The following CREB3L2 variants were observed in gnomAD, a reference collection of about 807,000 sequenced individuals.
CREB3L2 encodes the protein cyclic AMP-responsive element-binding protein 3-like protein 2.
A neutral mutation model predicts 57.2 loss-of-function variants in CREB3L2; 23 were observed. The ratio of observed to expected loss-of-function variants is 0.40; its 90% CI spans 0.29 to 0.57. CREB3L2 has a LOEUF of 0.57. CREB3L2 is among the 20% of genes least tolerant of loss of function. CREB3L2 has a pLI of 0.42. For synonymous variants in CREB3L2, 268 were observed against 265.1 expected (o/e 1.01, Z -0.11); for missense variants, 628 against 634.7 (o/e 0.99, Z 0.11).
At position 137,893,202 on chromosome 7, in the gene CREB3L2, C is replaced by T. The variant is rs149957007; in HGVS notation, c.1044-7700G>A. Among the ~76,000 whole-genome samples the T allele has an allele frequency of 2.5e-3, 382 of 152,300 alleles. 1 individual carries two copies. The highest frequency in any genetic ancestry group is 4.5e-3 in the Non-Finnish European group (308 of 68,028). ...GCTATATTACCTACTGGCCCAGGAA[C>T]AAACACTGGCCAAGGAACAAAAACT... is the stretch of plus-strand genomic sequence containing the variant. On this transcript the variant is annotated intron_variant, in intron 8 of 11. Coordinates refer to ENST00000330387, the MANE Select transcript of CREB3L2 (RefSeq NM_194071.4).
At chr7:137,916,437 C>A (rs1300550759) in intron 2 of CREB3L2, among the ~76,000 whole-genome samples, 2 of 152,022 alleles carry the variant, frequency 1.3e-5, no homozygotes, top group African/African-American at 2.4e-5. Flanking sequence ...AAGAAGCAGC[C>A]GGGCACAGTG....
At position 137,880,298 on chromosome 7, in the gene CREB3L2, CA is replaced by C. The variant is rs1225306141; in HGVS notation, c.*177del. The C allele has an allele frequency of 8.0e-6, 5 of 622,362 alleles. No individual in the cohort carries two copies. Among genetic ancestry groups the C allele is most frequent in the African/African-American group, 3.7e-5 (2 of 54,390 alleles). 38.6% of individuals were successfully genotyped at this position (622,362 alleles called of 1,614,324 possible). Reference sequence around the variant, plus strand: ...CCTTCTGCACAGGAGGGGCATGGACCAGGGGGAGATGCTCTCTCACTGCAGG... The same window carrying C: ...CCTTCTGCACAGGAGGGGCATGGACCGGGGGAGATGCTCTCTCACTGCAGG... On this transcript the variant is annotated 3_prime_UTR_variant, in exon 12 of 12. Transcript: ENST00000330387. This position sits in a 1 kb window ranked among gnomAD's most constrained non-coding sequence, Gnocchi z 4.0.
At chr7:137,952,613 T>C (rs575616433) in intron 1 of CREB3L2, among the ~76,000 whole-genome samples, 2 of 152,276 alleles carry the variant, frequency 1.3e-5, no homozygotes, top group South Asian at 4.1e-4. Context: ...CTGTCTGTCT[T>C]GCTCAGTGTT....
Position 138,001,640 on chromosome 7 carries a change from T to C in CREB3L2, c.66A>G (p.Ser22=). The C allele has an allele frequency of 2.5e-6, 4 of 1,613,454 alleles. No homozygotes were observed. Among genetic ancestry groups the C allele is most frequent in the Non-Finnish European group, 3.4e-6 (4 of 1,179,776 alleles). Residue 22 remains serine, a synonymous_variant, in exon 1 of 12, where the codon TCA becomes TCG. Transcript: ENST00000330387. The surrounding 1 kb of genome is among the most constrained non-coding windows in gnomAD (Gnocchi z 4.2). Reference sequence around the variant, plus strand: ...TGAGGGCCTCGCCGTCCCCGGGCTCTGACAGCTCGCTCAGCTTGCGGTCCC... The same window carrying C: ...TGAGGGCCTCGCCGTCCCCGGGCTCCGACAGCTCGCTCAGCTTGCGGTCCC... The part of the protein sequence containing the change: ...LQWDRKLSEL[S]EPGDGEALMY...
At chr7:137,947,959 C>A (rs1408779220) in intron 1 of CREB3L2, among the ~76,000 whole-genome samples, 1 of 152,202 alleles carries the variant, frequency 6.6e-6, no homozygotes, top group Admixed American at 6.5e-5. Context: ...GGCTCCCTCA[C>A]TAGCCTGGAG....
chr7:137,928,358 T>C lies in CREB3L2; in HGVS notation c.111A>G (p.Ser37=), dbSNP rs1296556099. Residue 37 remains serine, a synonymous_variant, in exon 2 of 12, where the codon TCA becomes TCG. Coordinates refer to ENST00000330387, the MANE Select transcript of CREB3L2 (RefSeq NM_194071.4). ...TCTGGGAAAACTCATCCAGAAGTTC[T>C]GAGAAGTGCTACAAGAAACAAAGGA... ...GEALMYHTHF[S]ELLDEFSQNV... The C allele has an allele frequency of 6.2e-7, 1 of 1,613,672 alleles. No homozygotes were observed. The highest frequency in any genetic ancestry group is 8.5e-7 in the Non-Finnish European group (1 of 1,179,742).
intron 1 of CREB3L2, among the ~76,000 whole-genome samples, chr7:137,939,664 G>A (rs1028620150): frequency 6.6e-6 from 1 of 152,236 alleles, no homozygotes; most frequent in Non-Finnish European, 1.5e-5. Context: ...GTTCAAGGCT[G>A]AGGCAGTACA....
At chr7:137,977,719 G>T (rs950718106) in intron 1 of CREB3L2, among the ~76,000 whole-genome samples, 1 of 152,106 alleles carries the variant, frequency 6.6e-6, no homozygotes, top group Non-Finnish European at 1.5e-5. Flanking sequence ...TCAGGAGTTC[G>T]AGGCCAGCCT....
intron 8 of CREB3L2, among the ~76,000 whole-genome samples, chr7:137,896,036 G>C (rs142981569): frequency 4.6e-5 from 7 of 152,346 alleles, no homozygotes; most frequent in African/African-American, 7.2e-5. Flanking sequence ...GGGGTGATGT[G>C]AGTAAAGGGT....
intron 1 of CREB3L2, among the ~76,000 whole-genome samples, chr7:137,942,351 T>C (rs1397511114): frequency 6.6e-6 from 1 of 152,222 alleles, no homozygotes; most frequent in Non-Finnish European, 1.5e-5. Context: ...TCTAAATCCT[T>C]CTGCCCTCAG....
At chr7:137,901,756 G>C (rs1370569376) in intron 7 of CREB3L2, among the ~76,000 whole-genome samples, 1 of 151,026 alleles carries the variant, frequency 6.6e-6, no homozygotes, top group Non-Finnish European at 1.5e-5. Flanking sequence ...GCACGTGCCT[G>C]TAATCCCAGC....
intron 8 of CREB3L2, among the ~76,000 whole-genome samples, chr7:137,891,621 G>A (rs2117185166): frequency 6.6e-6 from 1 of 152,028 alleles, no homozygotes; most frequent in East Asian, 1.9e-4. Flanking sequence ...TGTTGCCCAG[G>A]CTGGAGTGCA....
chr7:138,000,657 G>C (rs1802058063), intron 1 of CREB3L2, among the ~76,000 whole-genome samples: 1 of 152,134 alleles, frequency 6.6e-6, no homozygotes, highest in Non-Finnish European at 1.5e-5. Context: ...CAAGCCTCCA[G>C]TGGTTTTCTC....
At position 137,875,165 on chromosome 7, in the gene CREB3L2, CT is replaced by C. The variant is rs1254376955; in HGVS notation, c.*5310del. On this transcript the variant is annotated 3_prime_UTR_variant, in exon 12 of 12. Coordinates refer to ENST00000330387, the MANE Select transcript of CREB3L2 (RefSeq NM_194071.4). Reference sequence around the variant, plus strand: ...AAAACGCGATAGGACAGATAACAGACTCACAACGTATTTAGATTTAAACACT... The same window carrying C: ...AAAACGCGATAGGACAGATAACAGACCACAACGTATTTAGATTTAAACACT... 1 of 203,764 alleles carries C rather than the reference CT, an allele frequency of 4.9e-6. No homozygotes were observed. Among genetic ancestry groups the C allele is most frequent in the East Asian group, 7.5e-5 (1 of 13,296 alleles). The allele number at this position is 203,764 out of a possible 1,614,324, so 12.6% of individuals were successfully genotyped here. A position where few individuals can be genotyped will look rare whatever the true frequency, so the allele number is the denominator to read the frequency against.
At chr7:137,948,560 G>T (rs558591106) in intron 1 of CREB3L2, among the ~76,000 whole-genome samples, 20 of 152,272 alleles carry the variant, frequency 1.3e-4, no homozygotes, top group African/African-American at 4.6e-4. Flanking sequence ...GAAAGCCACT[G>T]CAAGTTAACA....
intron 2 of CREB3L2, among the ~76,000 whole-genome samples, chr7:137,926,680 A>G (rs1800468176): frequency 6.6e-6 from 1 of 152,186 alleles, no homozygotes; most frequent in Non-Finnish European, 1.5e-5. Flanking sequence ...GTACAGTGGT[A>G]TAAGAACAAG....
At chr7:137,973,120 T>A (rs2117303828) in intron 1 of CREB3L2, among the ~76,000 whole-genome samples, 1 of 149,334 alleles carries the variant, frequency 6.7e-6, no homozygotes, top group African/African-American at 2.5e-5. Flanking sequence ...CATGTATATG[T>A]AACTAACCTG....
chr7:137,879,159 T>A lies in CREB3L2; in HGVS notation c.*1317A>T. 1 of 511,272 alleles carries A rather than the reference T, an allele frequency of 2.0e-6. No individual in the cohort carries two copies. Among genetic ancestry groups the A allele is most frequent in the Admixed American group, 2.6e-5 (1 of 38,960 alleles). The allele number at this position is 511,272 out of a possible 1,614,324, so 31.7% of individuals were successfully genotyped here. The stretch of plus-strand genomic sequence containing the variant: ...GATTTTTTTAAACTACAAAAGTTAC[T>A]TTTAACCATAAAAAAAAAACAAAAA... On this transcript the variant is annotated 3_prime_UTR_variant, in exon 12 of 12. Transcript: ENST00000330387.
intron 1 of CREB3L2, among the ~76,000 whole-genome samples, chr7:137,930,579 G>A (rs1800595388): frequency 6.6e-6 from 1 of 152,242 alleles, no homozygotes; most frequent in Non-Finnish European, 1.5e-5. Flanking sequence ...GAACAGCAGA[G>A]AGGAAGCTTC....
Sources: allele counts gnomAD v4.1 joint callset (sites outside exome capture counted in the v4.1 genomes callset), GRCh38; gene constraint gnomAD v4.1.1; non-coding constraint Gnocchi (gnomAD v3.1); transcripts MANE v1.5; gene names NCBI Gene and HGNC (gene_info 2026-07-23, HGNC 2026-07-21).